SNTG2: variants seen among roughly 807,000 people sequenced by gnomAD.
The protein encoded by SNTG2 is gamma-2-syntrophin.
Under a neutral mutation model 70.9 loss-of-function variants are expected in SNTG2, and 74 were observed. The observed-to-expected ratio is 1.04, with a 90% CI of 0.86 to 1.27. The LOEUF (loss-of-function observed/expected upper bound fraction) is 1.27. Among genes scored for constraint, SNTG2 ranks in the 50% most tolerant of loss-of-function variants. SNTG2 has a pLI of 0.00. For missense variants in SNTG2, 717 were observed against 690.7 expected (o/e 1.04, Z -0.43); for synonymous variants, 278 against 273.8 (o/e 1.02, Z -0.15).
chr2:1,296,211 C>G (rs1680207854), intron 14 of SNTG2, among the ~76,000 whole-genome samples: 1 of 152,240 alleles, frequency 6.6e-6, no homozygotes, highest in Non-Finnish European at 1.5e-5. Context: ...TAATGCTGAT[C>G]TACTCATCCT....
chr2:1,332,073 T>G (rs1030959425), intron 16 of SNTG2, among the ~76,000 whole-genome samples: 1 of 152,162 alleles, frequency 6.6e-6, no homozygotes, highest in Non-Finnish European at 1.5e-5. Flanking sequence ...CTTTGTTGGG[T>G]TCCAGTTCTC....
At chr2:1,231,965 G>A (rs1310546162) in intron 9 of SNTG2, among the ~76,000 whole-genome samples, 3 of 152,182 alleles carry the variant, frequency 2.0e-5, no homozygotes, top group South Asian at 2.1e-4. Flanking sequence ...ATGCATGGAC[G>A]TGCACAGCAT....
intron 6 of SNTG2, among the ~76,000 whole-genome samples, chr2:1,164,761 A>G (rs979790737): frequency 3.3e-5 from 5 of 151,894 alleles, no homozygotes; most frequent in Admixed American, 6.6e-5. Flanking sequence ...TAGGAGGATG[A>G]AGTGAGGTAG....
At chr2:1,010,403 A>G (rs911026203) in intron 1 of SNTG2, among the ~76,000 whole-genome samples, 2 of 152,204 alleles carry the variant, frequency 1.3e-5, no homozygotes, top group African/African-American at 4.8e-5. Context: ...ATAAAGGGAA[A>G]GGAGACCCCG....
chr2:1,122,198 T>TC (rs1667418115), intron 4 of SNTG2, among the ~76,000 whole-genome samples: 1 of 152,194 alleles, frequency 6.6e-6, no homozygotes, highest in Non-Finnish European at 1.5e-5. Flanking sequence ...ATAATATGAA[T>TC]ACTTCTCAAA....
intron 1 of SNTG2, among the ~76,000 whole-genome samples, chr2:971,387 G>C (rs1418823279): frequency 6.6e-6 from 1 of 152,064 alleles, no homozygotes; most frequent in African/African-American, 2.4e-5. Flanking sequence ...TTCTCCCTTG[G>C]AAAGTTGTAT....
intron 16 of SNTG2, among the ~76,000 whole-genome samples, chr2:1,350,113 C>T (rs1413836772): frequency 6.6e-6 from 1 of 152,116 alleles, no homozygotes; most frequent in East Asian, 1.9e-4. Flanking sequence ...GCCTTGCTAT[C>T]ACCCCCCCAG....
intron 14 of SNTG2, among the ~76,000 whole-genome samples, chr2:1,287,339 G>A (rs993623952): frequency 3.9e-5 from 6 of 152,230 alleles, no homozygotes; most frequent in Non-Finnish European, 8.8e-5. Context: ...TGCAGCGGGT[G>A]CTCCTTTGTC....
intron 4 of SNTG2, among the ~76,000 whole-genome samples, chr2:1,121,797 C>T (rs1216882800): frequency 1.3e-5 from 2 of 152,208 alleles, no homozygotes; most frequent in East Asian, 3.9e-4. Flanking sequence ...TTGTTCTCTC[C>T]CTTGACACGT....
chr2:1,267,406 T>G lies in SNTG2; in HGVS notation c.1119T>G (p.Tyr373Ter). 11 of 1,610,496 alleles carry G rather than the reference T, an allele frequency of 6.8e-6. No individual in the cohort carries two copies. Among genetic ancestry groups the G allele is most frequent in the Non-Finnish European group, 9.3e-6 (11 of 1,178,274 alleles). ...TEDCWLQANL[Y>*]LGLQDFDFED... The stretch of plus-strand genomic sequence containing the variant: ...ACTGCTGGTTGCAAGCAAACTTGTA[T>G]CTGGGTCTTCAAGATTTTGACTTTG... The change falls in exon 14 of 17, where the codon TAT (tyrosine) becomes TAG (stop). Residue 373 changes from tyrosine to a stop codon, truncating the protein, a stop_gained. Coordinates refer to ENST00000308624, the MANE Select transcript of SNTG2 (RefSeq NM_018968.4). LOFTEE classifies it high-confidence loss of function.
chr2:1,306,669 C>T (rs924858677), intron 14 of SNTG2, among the ~76,000 whole-genome samples: 15 of 134,754 alleles, frequency 1.1e-4, no homozygotes, highest in Non-Finnish European at 1.6e-4. Flanking sequence ...CTCCAGCCTC[C>T]CTCGGCCAGG....
At chr2:970,719 C>G (rs1205640819) in intron 1 of SNTG2, among the ~76,000 whole-genome samples, 1 of 149,856 alleles carries the variant, frequency 6.7e-6, no homozygotes, top group Non-Finnish European at 1.5e-5. Context: ...AATAATGCCA[C>G]AATAAACATA....
chr2:1,003,439 C>T, intron 1 of SNTG2, among the ~76,000 whole-genome samples: 1 of 152,084 alleles, frequency 6.6e-6, no homozygotes, highest in Non-Finnish European at 1.5e-5. Flanking sequence ...AACTCTGGAC[C>T]CAGTTGGAGG....
intron 4 of SNTG2, among the ~76,000 whole-genome samples, chr2:1,116,808 GGGTTTCCTGGTC>G (rs1485124419): frequency 1.1e-4 from 16 of 145,780 alleles, no homozygotes; most frequent in African/African-American, 1.5e-4. Flanking sequence ...CCTGGTTTAC[GGGTTTCCTGGTC>G]TGTGGGTGCC....
At chr2:1,002,736 A>G (rs1423258047) in intron 1 of SNTG2, among the ~76,000 whole-genome samples, 1 of 151,410 alleles carries the variant, frequency 6.6e-6, no homozygotes, top group Non-Finnish European at 1.5e-5. Context: ...CAATCCAGCA[A>G]TCCCATAAAG....
At chr2:1,229,547 C>T (rs1045583008) in intron 9 of SNTG2, among the ~76,000 whole-genome samples, 2 of 152,366 alleles carry the variant, frequency 1.3e-5, no homozygotes, top group East Asian at 1.9e-4. Context: ...CCAGTGGATC[C>T]GGCACCGGGG....
chr2:1,211,961 A>G (rs1306237530), intron 9 of SNTG2, among the ~76,000 whole-genome samples: 2 of 152,164 alleles, frequency 1.3e-5, no homozygotes, highest in African/African-American at 2.4e-5. Flanking sequence ...TCATACCACA[A>G]TCATTGGGAT....
At chr2:1,360,135 A>C (rs187871928) in intron 16 of SNTG2, among the ~76,000 whole-genome samples, 1 of 152,218 alleles carries the variant, frequency 6.6e-6, no homozygotes, top group Non-Finnish European at 1.5e-5. Flanking sequence ...ATTAACACAA[A>C]TATAGTAGAT....
chr2:1,336,561 T>C (rs1354003161), intron 16 of SNTG2, among the ~76,000 whole-genome samples: 2 of 152,242 alleles, frequency 1.3e-5, no homozygotes, highest in Non-Finnish European at 2.9e-5. Context: ...TATTTTGTCC[T>C]ATGTTTTATC....
Sources: gnomAD v4.1 joint callset for allele counts (sites outside exome capture counted in the v4.1 genomes callset) on GRCh38, gnomAD v4.1.1 for gene constraint, MANE v1.5 for transcripts, NCBI Gene and HGNC (gene_info 2026-07-23, HGNC 2026-07-21) for gene names.